Variants in IGSF9 observed in about 807,000 individuals in gnomAD.
The protein encoded by IGSF9 is protein turtle homolog A.
Under a neutral mutation model 121.7 loss-of-function variants are expected in IGSF9, and 87 were observed. The ratio of observed to expected loss-of-function variants is 0.71; its 90% CI spans 0.60 to 0.85. The LOEUF is 0.85. Among genes scored for constraint, IGSF9 ranks in the 40% least tolerant of loss-of-function variants. IGSF9 has a pLI of 0.00. For missense variants in IGSF9, 1,462 were observed against 1,565.3 expected, an observed-to-expected ratio of 0.93 and a Z score of 1.11; for synonymous variants, 640 against 648.4, an observed-to-expected ratio of 0.99 and a Z score of 0.20.
Position 159,932,029 on chromosome 1 carries a change from T to A in IGSF9, c.1246-101A>T, listed in dbSNP as rs1249899584. 1 of 708,790 alleles carries A rather than the reference T, an allele frequency of 1.4e-6. No homozygotes were observed. Among genetic ancestry groups the A allele is most frequent in the Non-Finnish European group, 2.4e-6 (1 of 413,974 alleles). The allele number at this position is 708,790 out of a possible 1,614,324, so 43.9% of individuals were successfully genotyped here. ...TGTCATGCCATGTCTCACCTCACTC[T>A]CCCTCACTCCCCCTAGCTAAACACT... On this transcript the variant is annotated intron_variant, in intron 10 of 20. Transcript: ENST00000368094. This position sits in a 1 kb window ranked among gnomAD's most constrained non-coding sequence, Gnocchi z 4.1.
In IGSF9 at chr1:159,943,527, C is replaced by A; in HGVS notation, c.-73G>T. ...GATGGAGGGGCCAAGGGATGTCCTT[C>A]TGATCAGCTCAGGGAACAGGTTTCA... On this transcript the variant is annotated 5_prime_UTR_variant, in exon 2 of 21. Coordinates refer to ENST00000368094, the MANE Select transcript of IGSF9 (RefSeq NM_001135050.2). 7.1e-7 allele frequency: 1 copy of A among 1,398,700 alleles called. No individual in the cohort carries two copies. Among genetic ancestry groups the A allele is most frequent in the South Asian group, 1.5e-5 (1 of 67,902 alleles). The allele number at this position is 1,398,700 out of a possible 1,614,324, so 86.6% of individuals were successfully genotyped here.
At chr1:159,934,019 C>G (rs1651093841) in intron 9 of IGSF9, 171 bp downstream of exon 9, 3 of 757,744 alleles carry the variant, frequency 4.0e-6, no homozygotes, top group Non-Finnish European at 6.2e-6. Context: ...AATTTTTCCT[C>G]AGGGGTTTTA....
chr1:159,929,482 C>A (rs1458193651), intron 17 of IGSF9, 89 bp from the exon 18 acceptor site: 20 of 1,541,354 alleles, frequency 1.3e-5, no homozygotes, highest in Non-Finnish European at 1.2e-5. Flanking sequence ...GGCGCCCAAC[C>A]CCATCCGGCT....
intron 6 of IGSF9, among the ~76,000 whole-genome samples, chr1:159,935,593 G>A (rs548924354): frequency 1.2e-4 from 18 of 152,202 alleles, no homozygotes; most frequent in Admixed American, 5.2e-4. Context: ...GGCCGGTACC[G>A]CATGAGCAGT....
Position 159,943,507 on chromosome 1 carries a change from AG to A in IGSF9, c.-54del, listed in dbSNP as rs918085491. Reference sequence around the variant, plus strand: ...CTCCTATCCACAGGAGCCCAGATGGAGGGGCCAAGGGATGTCCTTCTGATCA... The same window carrying A: ...CTCCTATCCACAGGAGCCCAGATGGAGGGCCAAGGGATGTCCTTCTGATCA... On this transcript the variant is annotated 5_prime_UTR_variant, in exon 2 of 21. Transcript: ENST00000368094. The A allele has an allele frequency of 6.8e-7, 1 of 1,467,598 alleles. No homozygotes were observed. The highest frequency in any genetic ancestry group is 9.1e-7 in the Non-Finnish European group (1 of 1,101,244). The allele number at this position is 1,467,598 out of a possible 1,614,324, so 90.9% of individuals were successfully genotyped here. A position where few individuals can be genotyped will look rare whatever the true frequency, so the allele number is the denominator to read the frequency against.
rs1651008055 is a variant in IGSF9 at position 159,931,769 on chromosome 1, G to A, written c.1362+43C>T. ...TGGCTGGGGCACGAGAGGCAGGGGT[G>A]TAGTGGGCGTGGGTACAGGCAGAGC... is the stretch of plus-strand genomic sequence containing the variant. On this transcript the variant is annotated intron_variant, in intron 11 of 20. Transcript: ENST00000368094. This position sits in a 1 kb window ranked among gnomAD's most constrained non-coding sequence, Gnocchi z 4.8. The A allele has an allele frequency of 1.4e-6, 2 of 1,463,760 alleles. No individual in the cohort carries two copies. The highest frequency in any genetic ancestry group is 1.9e-6 in the Non-Finnish European group (2 of 1,069,282). The allele number at this position is 1,463,760 out of a possible 1,614,324, so 90.7% of individuals were successfully genotyped here.
At chr1:159,944,212 A>G (rs1469120767) in intron 1 of IGSF9, among the ~76,000 whole-genome samples, 1 of 152,058 alleles carries the variant, frequency 6.6e-6, no homozygotes, top group African/African-American at 2.4e-5. Context: ...ACCCCGATAC[A>G]ATCCCTTGTC....
Position 159,927,246 on chromosome 1 carries a change from G to T in IGSF9, c.*99C>A. ...GGGTCTGTGCCTGGGCACCAAAGGGGCAGGCAGGGGCAGTGCCCTCGTTTG... is the reference window on the plus strand; with the variant it reads ...GGGTCTGTGCCTGGGCACCAAAGGGTCAGGCAGGGGCAGTGCCCTCGTTTG... On this transcript the variant is annotated 3_prime_UTR_variant, in exon 21 of 21. Transcript: ENST00000368094. The T allele has an allele frequency of 1.4e-6, 2 of 1,427,230 alleles. No individual in the cohort carries two copies. Among genetic ancestry groups the T allele is most frequent in the Non-Finnish European group, 2.0e-6 (2 of 1,017,260 alleles). The allele number at this position is 1,427,230 out of a possible 1,614,324, so 88.4% of individuals were successfully genotyped here.
rs779674069 is a variant in IGSF9, at chr1:159,931,404, A to G, written c.1513+49T>C. 5.2e-5 allele frequency: 83 copies of G among 1,600,676 alleles called. No individual in the cohort carries two copies. The highest frequency in any genetic ancestry group is 6.7e-5 in the Non-Finnish European group (79 of 1,171,070). On this transcript the variant is annotated intron_variant, in intron 12 of 20. Coordinates refer to ENST00000368094, the MANE Select transcript of IGSF9 (RefSeq NM_001135050.2). The surrounding 1 kb of genome is among the most constrained non-coding windows in gnomAD (Gnocchi z 4.8). ...TCCTCTTTCTGGGCCTCCAAAAACG[A>G]TTCCCAAGTAGTTTCTCCCAGCCCC...
At position 159,930,308 on chromosome 1, in the gene IGSF9, C is replaced by T; in HGVS notation, c.1945G>A (p.Val649Ile). ...VLLHWDPPELVPKRLDGYVLE... is the reference protein window; with the variant it reads ...VLLHWDPPELIPKRLDGYVLE... ...ACGTAGCCATCCAGTCTCTTAGGGA[C>T]CAGCTCTGGGGGATCCCAATGCAGG... Residue 649 changes from valine (V) to isoleucine (I), a missense_variant, in exon 15 of 21, where the codon GTC (valine) becomes ATC (isoleucine). Physicochemically the swap from Val to Ile is conservative, Grantham distance 29. This residue lies in a region of IGSF9 where 808 missense variants were observed against 815.2 expected (regional missense o/e 0.99). Coordinates refer to ENST00000368094, the MANE Select transcript of IGSF9 (RefSeq NM_001135050.2). The T allele has an allele frequency of 2.5e-6, 4 of 1,613,850 alleles. No homozygotes were observed. The highest frequency in any genetic ancestry group is 2.5e-6 in the Non-Finnish European group (3 of 1,179,888).
intron 15 of IGSF9, 23 bp from the exon 16 acceptor site, chr1:159,929,998 G>A (rs1215221575): frequency 1.3e-6 from 2 of 1,593,898 alleles, no homozygotes; most frequent in African/African-American, 1.3e-5. Context: ...TGGGGTACCA[G>A]GAGGGAGGTC....
At chr1:159,943,329 C>T (rs1651466919) in intron 2 of IGSF9, 68 bp downstream of exon 2, 6 of 1,439,974 alleles carry the variant, frequency 4.2e-6, no homozygotes, top group Non-Finnish European at 4.6e-6. Context: ...AAGAGGAACC[C>T]TTGAGGAACA....
rs746964166 is a variant in IGSF9, at chr1:159,928,335, C to T, written c.3053G>A (p.Arg1018Gln). Reference protein sequence around the residue: ...LLPGLLPAAPRGSLTSQSSGR... With the variant: ...LLPGLLPAAPQGSLTSQSSGR... ...ACTGCTCTGGCTGGTGAGGCTGCCT[C>T]GAGGGGCAGCAGGGAGAAGGCCTGG... The change falls in exon 19 of 21, where the codon CGA (arginine) becomes CAA (glutamine). Residue 1018 changes from arginine (R) to glutamine (Q), a missense_variant. Arg to Gln is a conservative substitution (Grantham distance 43). Coordinates refer to ENST00000368094, the MANE Select transcript of IGSF9 (RefSeq NM_001135050.2). The T allele has an allele frequency of 1.9e-6, 3 of 1,609,294 alleles. No homozygotes were observed. The highest frequency in any genetic ancestry group is 1.7e-5 in the Admixed American group (1 of 59,562).
In IGSF9 at chr1:159,934,513, G is replaced by C; in HGVS notation, c.873C>G (p.Thr291=). Residue 291 remains threonine, a synonymous_variant, in exon 8 of 21, where the codon ACC becomes ACG. Transcript: ENST00000368094. ...LVDGSLRLLA[T]QPDDAGCYTC... Reference sequence around the variant, plus strand: ...TGTAGCAGCCGGCATCATCAGGCTGGGTGGCCAGCAGCCGCAGGCTCCCGT... The same window carrying C: ...TGTAGCAGCCGGCATCATCAGGCTGCGTGGCCAGCAGCCGCAGGCTCCCGT... The C allele has an allele frequency of 1.9e-6, 3 of 1,613,328 alleles. No individual in the cohort carries two copies. Among genetic ancestry groups the C allele is most frequent in the East Asian group, 2.2e-5 (1 of 44,850 alleles).
chr1:159,934,022 G>A, intron 9 of IGSF9, 168 bp downstream of exon 9: 1 of 771,556 alleles, frequency 1.3e-6, no homozygotes, highest in Middle Eastern at 3.8e-4. Flanking sequence ...TTTTCCTCAG[G>A]GGTTTTAAGT....
chr1:159,938,864 T>C (rs1651285472), intron 3 of IGSF9, among the ~76,000 whole-genome samples: 1 of 152,132 alleles, frequency 6.6e-6, no homozygotes, highest in Non-Finnish European at 1.5e-5. Flanking sequence ...AAATAAAAGT[T>C]GTTGAACAAA....
Position 159,932,707 on chromosome 1 carries a change from G to A in IGSF9, c.1105-55C>T, listed in dbSNP as rs765440486. On this transcript the variant is annotated intron_variant, in intron 9 of 20. Transcript: ENST00000368094. The surrounding 1 kb of genome is among the most constrained non-coding windows in gnomAD (Gnocchi z 4.1). Reference sequence around the variant, plus strand: ...AGAGGAGCTCAGCAGAGACAAGCCCGGGATGGCAGTACAAGAGAGGGGGCA... The same window carrying A: ...AGAGGAGCTCAGCAGAGACAAGCCCAGGATGGCAGTACAAGAGAGGGGGCA... The A allele has an allele frequency of 1.3e-4, 200 of 1,547,936 alleles. No individual in the cohort carries two copies. Among genetic ancestry groups the A allele is most frequent in the African/African-American group, 7.3e-4 (54 of 73,472 alleles).
chr1:159,931,314 A>G lies in IGSF9; in HGVS notation c.1514-53T>C. On this transcript the variant is annotated intron_variant, in intron 12 of 20. Coordinates refer to ENST00000368094, the MANE Select transcript of IGSF9 (RefSeq NM_001135050.2). The surrounding 1 kb of genome is among the most constrained non-coding windows in gnomAD (Gnocchi z 4.8). ...GGTCAGGGCCTGAGGGAGTGTACAGAGTAGCAGGGGCCCCAGGGCCACTGA... is the reference window on the plus strand; with the variant it reads ...GGTCAGGGCCTGAGGGAGTGTACAGGGTAGCAGGGGCCCCAGGGCCACTGA... The G allele has an allele frequency of 6.2e-6, 10 of 1,610,394 alleles. No individual in the cohort carries two copies. The highest frequency in any genetic ancestry group is 1.1e-5 in the South Asian group (1 of 90,868).
chr1:159,929,574 A>G, intron 17 of IGSF9, 64 bp downstream of exon 17: 2 of 1,529,482 alleles, frequency 1.3e-6, no homozygotes, highest in Non-Finnish European at 1.8e-6. Flanking sequence ...TCCCCCAGGT[A>G]GGAGGGGCTT....
Sources: gnomAD v4.1 joint callset for allele counts (sites outside exome capture counted in the v4.1 genomes callset) on GRCh38, gnomAD v4.1.1 for gene constraint, gnomAD v4.1.1 regional missense constraint, Gnocchi (gnomAD v3.1) non-coding constraint, MANE v1.5 for transcripts, NCBI Gene and HGNC (gene_info 2026-07-23, HGNC 2026-07-21) for gene names.